Variants in CPNE4 observed in about 807,000 individuals in gnomAD.
CPNE4 encodes the protein copine 4.
CPNE4 carries 25 observed loss-of-function variants against 67.9 expected under a neutral mutation model. That is an observed-to-expected ratio of 0.37 (90% CI 0.27 to 0.51). The LOEUF (loss-of-function observed/expected upper bound fraction) is 0.51. Among genes scored for constraint, CPNE4 ranks in the 20% least tolerant of loss-of-function variants. The probability of loss-of-function intolerance (pLI) is 0.93; values close to 1 mark genes in which losing one functional copy is unlikely to be tolerated. For synonymous variants in CPNE4, 242 were observed against 244.9 expected (o/e 0.99, Z 0.11); for missense variants, 464 against 690.8 (o/e 0.67, Z 3.68).
In CPNE4 at chr3:131,679,913, A is replaced by G. The variant is rs190747672; in HGVS notation, c.591+5962T>C. 5.7e-4 allele frequency among the ~76,000 whole-genome samples: 87 copies of G among 152,158 alleles called. 2 individuals are homozygous for G. Among genetic ancestry groups the G allele is most frequent in the Admixed American group, 5.2e-3 (80 of 15,270 alleles). ...AAGAATGTATATTCTATTGTTTTGC[A>G]TGGAGAGTTCTGTAGATATCTATCA... On this transcript the variant is annotated intron_variant, in intron 6 of 15. Coordinates refer to ENST00000429747, the MANE Select transcript of CPNE4 (RefSeq NM_130808.3).
chr3:131,646,067 A>C (rs1349332810), intron 7 of CPNE4, among the ~76,000 whole-genome samples: 4 of 152,196 alleles, frequency 2.6e-5, no homozygotes, highest in Non-Finnish European at 5.9e-5. Context: ...CTAAGGACAC[A>C]AACTGCTGAA....
intron 2 of CPNE4, among the ~76,000 whole-genome samples, chr3:131,828,522 C>T (rs763420489): frequency 2.1e-4 from 32 of 152,210 alleles, no homozygotes; most frequent in Admixed American, 1.7e-3. Flanking sequence ...CACCATTTGT[C>T]CATCCATTCT....
At position 131,841,821 on chromosome 3, in the gene CPNE4, A is replaced by T. The variant is rs147985222; in HGVS notation, c.180+63443T>A. 3.3e-3 allele frequency among the ~76,000 whole-genome samples: 500 copies of T among 152,310 alleles called. 4 individuals are homozygous for T. The highest frequency in any genetic ancestry group is 0.011 in the African/African-American group (470 of 41,576). On this transcript the variant is annotated intron_variant, in intron 2 of 15. Coordinates refer to ENST00000429747, the MANE Select transcript of CPNE4 (RefSeq NM_130808.3). ...TATCAGCCTCTTTGGAGATCACCTC[A>T]GTTGCAAAGTAAACTATAAACAATA...
intron 2 of CPNE4, among the ~76,000 whole-genome samples, chr3:131,821,139 G>A (rs1016148719): frequency 6.6e-6 from 1 of 152,150 alleles, no homozygotes; most frequent in Non-Finnish European, 1.5e-5. Flanking sequence ...TCCAGAGCCC[G>A]TTTCATTTTA....
chr3:131,782,837 G>A (rs1256942247), intron 2 of CPNE4, among the ~76,000 whole-genome samples: 1 of 152,072 alleles, frequency 6.6e-6, no homozygotes, highest in Non-Finnish European at 1.5e-5. Context: ...TAGATTTTAT[G>A]AGACATATGC....
chr3:131,915,005 G>A (rs142021132), intron 1 of CPNE4, among the ~76,000 whole-genome samples: 1 of 151,904 alleles, frequency 6.6e-6, no homozygotes, highest in Non-Finnish European at 1.5e-5. Flanking sequence ...ATAAAAACTT[G>A]CTTTCCTAGC....
At chr3:131,853,746 T>A (rs1229636092) in intron 2 of CPNE4, among the ~76,000 whole-genome samples, 2 of 151,836 alleles carry the variant, frequency 1.3e-5, no homozygotes, top group East Asian at 3.9e-4. Flanking sequence ...TGTGAACAGA[T>A]GCTTCATAAA....
intron 7 of CPNE4, among the ~76,000 whole-genome samples, chr3:131,620,969 A>T (rs1486714674): frequency 6.6e-6 from 1 of 151,978 alleles, no homozygotes; most frequent in Non-Finnish European, 1.5e-5. Context: ...TAGCAATAGG[A>T]AACTCATAAC....
chr3:131,707,155 A>G (rs1254674903), intron 3 of CPNE4, among the ~76,000 whole-genome samples: 3 of 152,212 alleles, frequency 2.0e-5, no homozygotes, highest in Non-Finnish European at 4.4e-5. Flanking sequence ...AAATGACCAT[A>G]AACTCTGTGG....
intron 2 of CPNE4, among the ~76,000 whole-genome samples, chr3:131,882,721 C>CAATTT (rs2087725376): frequency 8.8e-6 from 1 of 113,566 alleles, no homozygotes; most frequent in Non-Finnish European, 2.0e-5. Flanking sequence ...CAGTTCTGCT[C>CAATTT]TATTTTTTTT....
chr3:131,961,374 AAGAG>A (rs576551825), intron 1 of CPNE4, among the ~76,000 whole-genome samples: 128 of 152,262 alleles, frequency 8.4e-4, no homozygotes, highest in Middle Eastern at 6.8e-3. Flanking sequence ...TCACTGGTTA[AAGAG>A]CAGTAACTCT....
chr3:131,999,241 T>TAAAAAAAAAAAGAAAAAAAAAAAAAA (rs2073368112), intron 1 of CPNE4, among the ~76,000 whole-genome samples: 1 of 98,834 alleles, frequency 1.0e-5, no homozygotes, highest in Non-Finnish European at 1.9e-5. Context: ...TTATCCAAGG[T>TAAAAAAAAAAAGAAAAAAAAAAAAAA]AAAAAAAAAA....
chr3:132,004,907 C>A (rs2073546943), intron 1 of CPNE4, among the ~76,000 whole-genome samples: 1 of 152,008 alleles, frequency 6.6e-6, no homozygotes, highest in African/African-American at 2.4e-5. Context: ...AAATAAAGGA[C>A]CAACACCACT....
At chr3:131,622,931 G>C (rs1413155149) in intron 7 of CPNE4, among the ~76,000 whole-genome samples, 1 of 152,134 alleles carries the variant, frequency 6.6e-6, no homozygotes, top group Non-Finnish European at 1.5e-5. Flanking sequence ...ATCACTTTTT[G>C]TTGTTGCTGT....
At chr3:131,761,227 T>C (rs2082882595) in intron 2 of CPNE4, among the ~76,000 whole-genome samples, 1 of 150,338 alleles carries the variant, frequency 6.7e-6, no homozygotes, top group East Asian at 2.0e-4. Flanking sequence ...TTTTTTTTTT[T>C]TTTTTAGAGA....
intron 5 of CPNE4, among the ~76,000 whole-genome samples, chr3:131,695,819 T>C (rs772727346): frequency 2.0e-5 from 3 of 152,240 alleles, no homozygotes; most frequent in Non-Finnish European, 4.4e-5. Flanking sequence ...AAGTATTTCC[T>C]GATGTCCCCA....
intron 6 of CPNE4, among the ~76,000 whole-genome samples, chr3:131,677,187 A>C (rs2080599233): frequency 6.6e-6 from 1 of 151,524 alleles, no homozygotes; most frequent in Admixed American, 6.6e-5. Context: ...TTCTTTTAAG[A>C]GGTGTCTGTT....
intron 1 of CPNE4, among the ~76,000 whole-genome samples, chr3:131,922,323 T>C (rs939320344): frequency 1.3e-5 from 2 of 152,238 alleles, no homozygotes; most frequent in Non-Finnish European, 2.9e-5. Flanking sequence ...AATCCGCTGT[T>C]GATGGGCACC....
chr3:132,022,578 T>A (rs4854634), intron 1 of CPNE4, among the ~76,000 whole-genome samples: 103 of 3,406 alleles, frequency 0.03, no homozygotes, highest in Middle Eastern at 0.17. Context: ...AAAAAAAAAA[T>A]AATAATAATA....
Sources: gnomAD v4.1 joint callset for allele counts (sites outside exome capture counted in the v4.1 genomes callset) on GRCh38, gnomAD v4.1.1 for gene constraint, MANE v1.5 for transcripts, NCBI Gene and HGNC (gene_info 2026-07-23, HGNC 2026-07-21) for gene names.